MED27: variants seen among roughly 807,000 people sequenced by gnomAD.
The protein encoded by MED27 is mediator complex subunit 27, also known as mediator of RNA polymerase II transcription subunit 27.
In MED27, 30 loss-of-function variants were observed where a neutral mutation model predicts 38.2. The ratio of observed to expected loss-of-function variants is 0.79; its 90% CI spans 0.59 to 1.07. The LOEUF (loss-of-function observed/expected upper bound fraction) is 1.07. Among genes scored for constraint, MED27 ranks in the 50% least tolerant of loss-of-function variants. MED27 has a pLI of 0.00. For missense variants in MED27, 289 were observed against 397.5 expected (o/e 0.73, Z 2.32); for synonymous variants, 122 against 153.5 (o/e 0.79, Z 1.52).
chr9:131,934,423 T>C (rs1301460749), intron 4 of MED27, among the ~76,000 whole-genome samples: 1 of 151,940 alleles, frequency 6.6e-6, no homozygotes, highest in African/African-American at 2.4e-5. Flanking sequence ...ATAAGGAGCT[T>C]GAACTCTACA....
rs117018482 is a variant in MED27, at chr9:132,067,120, C to T, written c.348+10322G>A. 3.7e-3 allele frequency among the ~76,000 whole-genome samples: 565 copies of T among 152,348 alleles called. 4 individuals are homozygous for T. Among genetic ancestry groups the T allele is most frequent in the Non-Finnish European group, 6.4e-3 (438 of 68,032 alleles). ...ACTGTTTTATTGCACACTTAGAAATCGTTAATACAAATAATTACCATTTAT... is the reference window on the plus strand; with the variant it reads ...ACTGTTTTATTGCACACTTAGAAATTGTTAATACAAATAATTACCATTTAT... On this transcript the variant is annotated intron_variant, in intron 2 of 7. Transcript: ENST00000292035.
chr9:132,023,045 T>C (rs996157269), intron 2 of MED27, among the ~76,000 whole-genome samples: 2 of 152,184 alleles, frequency 1.3e-5, no homozygotes, highest in Admixed American at 6.5e-5. Flanking sequence ...CTAGTAAAAG[T>C]TGAAATCAAA....
intron 4 of MED27, among the ~76,000 whole-genome samples, chr9:131,914,060 G>A (rs940677221): frequency 4.6e-5 from 7 of 152,200 alleles, no homozygotes; most frequent in African/African-American, 1.7e-4. Flanking sequence ...ATATTCTTCT[G>A]GGGGAGCTTG....
intron 2 of MED27, chr9:132,073,488 T>C (rs1175222181): frequency 4.1e-6 from 5 of 1,209,088 alleles, no homozygotes; most frequent in South Asian, 6.5e-5. Flanking sequence ...CTGAGCCTTA[T>C]AGTTTACCCT....
At position 131,998,797 on chromosome 9, in the gene MED27, C is replaced by T. The variant is rs966806876; in HGVS notation, c.479+15540G>A. Among the ~76,000 whole-genome samples the T allele has an allele frequency of 9.2e-5, 14 of 152,058 alleles. No individual in the cohort carries two copies. The East Asian group carries it at 2.7e-3, about 29-fold the overall frequency. On this transcript the variant is annotated intron_variant, in intron 3 of 7. Coordinates refer to ENST00000292035, the MANE Select transcript of MED27 (RefSeq NM_004269.4). ...CTGTACAAGCCACACTTGGGAGGCA[C>T]GTCCATGTTAACTGACAGGAAGAAG...
intron 1 of MED27, among the ~76,000 whole-genome samples, chr9:132,079,195 C>A (rs534042146): frequency 8.3e-4 from 126 of 152,156 alleles, no homozygotes; most frequent in Admixed American, 1.5e-3. Flanking sequence ...CTGATGAAGT[C>A]CAAGTTCAGG....
chr9:131,976,326 C>T (rs1422370364), intron 3 of MED27, among the ~76,000 whole-genome samples: 2 of 152,184 alleles, frequency 1.3e-5, no homozygotes, highest in Non-Finnish European at 2.9e-5. Context: ...AAAGCATACC[C>T]CAGCAAAATG....
intron 3 of MED27, among the ~76,000 whole-genome samples, chr9:131,956,825 T>TAA (rs558809280): frequency 2.1e-5 from 3 of 141,914 alleles, no homozygotes. Flanking sequence ...AATTGATGAT[T>TAA]AAAAAAAAAA....
intron 4 of MED27, among the ~76,000 whole-genome samples, chr9:131,928,828 C>A (rs1034582211): frequency 9.2e-5 from 14 of 152,246 alleles, no homozygotes; most frequent in Admixed American, 5.9e-4. Context: ...AGTTCTAGTG[C>A]TGGGCTGGGC....
intron 5 of MED27, among the ~76,000 whole-genome samples, chr9:131,885,706 CT>C (rs993647023): frequency 6.6e-6 from 1 of 152,192 alleles, no homozygotes; most frequent in African/African-American, 2.4e-5. Context: ...AAATCAATCC[CT>C]TCTGTTTCAA....
intron 4 of MED27, among the ~76,000 whole-genome samples, chr9:131,919,931 C>T (rs952450778): frequency 6.6e-6 from 1 of 151,720 alleles, no homozygotes; most frequent in Non-Finnish European, 1.5e-5. Context: ...ATCTTAGCCT[C>T]CCGAGTAGCT....
At chr9:131,977,745 T>A (rs1831639693) in intron 3 of MED27, among the ~76,000 whole-genome samples, 1 of 152,182 alleles carries the variant, frequency 6.6e-6, no homozygotes, top group Non-Finnish European at 1.5e-5. Context: ...CAAGAATAAT[T>A]AGAAAATAAG....
At chr9:131,925,298 A>T (rs969386931) in intron 4 of MED27, among the ~76,000 whole-genome samples, 5 of 152,206 alleles carry the variant, frequency 3.3e-5, no homozygotes, top group Non-Finnish European at 5.9e-5. Flanking sequence ...AATACATTAG[A>T]TGTTTTGATA....
At chr9:131,909,078 C>T (rs1239202475) in intron 4 of MED27, among the ~76,000 whole-genome samples, 2 of 151,880 alleles carry the variant, frequency 1.3e-5, no homozygotes, top group Admixed American at 1.3e-4. Context: ...ATATGATTTG[C>T]TGATGGAGTG....
intron 6 of MED27, among the ~76,000 whole-genome samples, chr9:131,876,721 C>T (rs1838940311): frequency 6.6e-6 from 1 of 152,152 alleles, no homozygotes; most frequent in South Asian, 2.1e-4. Context: ...CTGGGACCGT[C>T]TGCCGCCGCT....
intron 2 of MED27, chr9:132,031,834 A>G (rs998595997): frequency 6.6e-6 from 1 of 152,208 alleles, no homozygotes; most frequent in African/African-American, 2.4e-5. Context: ...GATCCTGAAA[A>G]TGGAAGCCCC....
intron 3 of MED27, among the ~76,000 whole-genome samples, chr9:131,978,328 G>T (rs1378828406): frequency 2.6e-5 from 4 of 152,152 alleles, no homozygotes; most frequent in East Asian, 1.9e-4. Context: ...TATCAATCAA[G>T]AAGTGGATTT....
chr9:131,919,133 C>T (rs1830344678), intron 4 of MED27, among the ~76,000 whole-genome samples: 1 of 152,124 alleles, frequency 6.6e-6, no homozygotes, highest in African/African-American at 2.4e-5. Flanking sequence ...GGGGAACTCC[C>T]ACAAAATGAC....
At chr9:131,956,697 TTAA>T (rs2130992195) in intron 3 of MED27, among the ~76,000 whole-genome samples, 1 of 151,886 alleles carries the variant, frequency 6.6e-6, no homozygotes, top group East Asian at 1.9e-4. Flanking sequence ...TTATGTGTAC[TTAA>T]TAAGAATTTT....
Sources: allele counts gnomAD v4.1 joint callset (sites outside exome capture counted in the v4.1 genomes callset), GRCh38; gene constraint gnomAD v4.1.1; transcripts MANE v1.5; gene names NCBI Gene and HGNC (gene_info 2026-07-23, HGNC 2026-07-21).